The following ELF1 variants were observed in gnomAD, a reference collection of about 807,000 sequenced individuals.
ELF1 encodes the protein E74 like ETS transcription factor 1, also known as ETS-related transcription factor Elf-1.
ELF1 carries 24 observed loss-of-function variants against 59.9 expected under a neutral mutation model. That is an observed-to-expected ratio of 0.40 (90% CI 0.29 to 0.56). ELF1 has a LOEUF of 0.56. Ranked by LOEUF, ELF1 falls within the 20% of genes least tolerant of loss-of-function variation. The pLI, the probability that ELF1 is intolerant of heterozygous loss-of-function variation, is 0.44. For missense variants in ELF1, 627 were observed against 742.2 expected, an observed-to-expected ratio of 0.84 and a Z score of 1.80; for synonymous variants, 248 against 266.2, an observed-to-expected ratio of 0.93 and a Z score of 0.67.
intron 2 of ELF1, among the ~76,000 whole-genome samples, chr13:40,972,469 C>A (rs1872618019): frequency 6.6e-6 from 1 of 152,180 alleles, no homozygotes; most frequent in African/African-American, 2.4e-5. Context: ...CAAAACAAAA[C>A]GATCTGAATG....
intron 7 of ELF1, among the ~76,000 whole-genome samples, 167 bp downstream of exon 7, chr13:40,942,785 G>A (rs1870262287): frequency 6.6e-6 from 1 of 152,144 alleles, no homozygotes; most frequent in Non-Finnish European, 1.5e-5. Flanking sequence ...GCCTCCCAAA[G>A]TGTTGGGATT....
At chr13:41,042,206 A>G (rs1876640158) in intron 1 of ELF1, among the ~76,000 whole-genome samples, 1 of 152,096 alleles carries the variant, frequency 6.6e-6, no homozygotes, top group Non-Finnish European at 1.5e-5. Flanking sequence ...TATTTTTAGT[A>G]AAGGCAAAGT....
intron 1 of ELF1, among the ~76,000 whole-genome samples, chr13:41,015,278 G>T (rs1045531107): frequency 6.6e-6 from 1 of 151,972 alleles, no homozygotes; most frequent in African/African-American, 2.4e-5. Flanking sequence ...GGTTTCGGGG[G>T]TGGATCAGAG....
intron 1 of ELF1, among the ~76,000 whole-genome samples, chr13:41,013,149 A>C (rs915470153): frequency 1.3e-5 from 2 of 152,162 alleles, no homozygotes; most frequent in African/African-American, 2.4e-5. Context: ...TATACCATAG[A>C]AAGATTCTGA....
In ELF1 at chr13:40,931,925, T is replaced by G. The variant is rs1869434768; in HGVS notation, c.*1500A>C. 6.6e-6 allele frequency: 1 copy of G among 152,242 alleles called. No homozygotes were observed. The highest frequency in any genetic ancestry group is 6.5e-5 in the Admixed American group (1 of 15,286). The allele number at this position is 152,242 out of a possible 1,614,324, so 9.4% of individuals were successfully genotyped here. On this transcript the variant is annotated 3_prime_UTR_variant, in exon 9 of 9. Coordinates refer to ENST00000239882, the MANE Select transcript of ELF1 (RefSeq NM_172373.4). ...AAGTGAAAGGATGATATTCTGCAAT[T>G]CTGACTAATGAAATTTATTTATAAA...
chr13:40,963,318 T>C (rs1871961082), intron 2 of ELF1, among the ~76,000 whole-genome samples: 1 of 152,184 alleles, frequency 6.6e-6, no homozygotes, highest in Admixed American at 6.6e-5. Flanking sequence ...GTGTTTGAGG[T>C]GGAGGTATGA....
intron 1 of ELF1, among the ~76,000 whole-genome samples, chr13:41,044,154 G>A (rs1876742156): frequency 6.6e-6 from 1 of 152,240 alleles, no homozygotes; most frequent in African/African-American, 2.4e-5. Context: ...TTTGTATCCT[G>A]AGACTTTGCT....
At chr13:41,052,288 A>C (rs1176259223) in intron 1 of ELF1, among the ~76,000 whole-genome samples, 1 of 152,168 alleles carries the variant, frequency 6.6e-6, no homozygotes, top group East Asian at 1.9e-4. Context: ...AATTTGTGAA[A>C]TGAACTCAGG....
chr13:40,947,093 C>A (rs1487831177), intron 5 of ELF1, among the ~76,000 whole-genome samples: 23 of 151,420 alleles, frequency 1.5e-4, no homozygotes, highest in Non-Finnish European at 2.5e-4. Flanking sequence ...CCACTGCACT[C>A]CAGCCTGGGT....
At chr13:41,031,154 AT>A (rs1255062462) in intron 1 of ELF1, among the ~76,000 whole-genome samples, 4 of 150,238 alleles carry the variant, frequency 2.7e-5, no homozygotes, top group Admixed American at 2.7e-4. Context: ...GTGAGACCCT[AT>A]TAAAAAAAAA....
intron 1 of ELF1, among the ~76,000 whole-genome samples, chr13:41,047,689 A>T (rs1876915510): frequency 6.6e-6 from 1 of 152,162 alleles, no homozygotes; most frequent in Non-Finnish European, 1.5e-5. Flanking sequence ...GTCTGCCCCT[A>T]CTAGGGGTGC....
At chr13:41,059,837 C>T (rs1396584922) in intron 1 of ELF1, among the ~76,000 whole-genome samples, 4 of 152,152 alleles carry the variant, frequency 2.6e-5, no homozygotes, top group African/African-American at 9.7e-5. Flanking sequence ...CCAAGCCCCA[C>T]CTCCACCCCA....
Position 40,934,133 on chromosome 13 carries a change from A to G in ELF1, c.1257-105T>C, listed in dbSNP as rs1869605295. 3 of 1,415,084 alleles carry G rather than the reference A, an allele frequency of 2.1e-6. No homozygotes were observed. The Admixed American group carries it at 7.4e-5, about 35-fold the overall frequency. 87.7% of individuals were successfully genotyped at this position (1,415,084 alleles called of 1,614,324 possible). A position where few individuals can be genotyped will look rare whatever the true frequency, so the allele number is the denominator to read the frequency against. The stretch of plus-strand genomic sequence containing the variant: ...TACAAAATACCAGTTATGTGTTTCA[A>G]AATGCTGCTTCCCATATTTTCAACA... On this transcript the variant is annotated intron_variant, in intron 8 of 8. Transcript: ENST00000239882.
At chr13:41,030,499 T>C (rs1258481780) in intron 1 of ELF1, among the ~76,000 whole-genome samples, 2 of 152,102 alleles carry the variant, frequency 1.3e-5, no homozygotes, top group Non-Finnish European at 2.9e-5. Context: ...ACTCAACATT[T>C]TGGGAGACTA....
rs200267980 is a variant in ELF1 at position 41,057,810 on chromosome 13, T to TAA, written c.-229+3026_-229+3027dup. ...ATATGCCTGCCAATGGCACAAGCGT[T>TAA]AAGAATGAATCCTCACAAACTGATT... On this transcript the variant is annotated intron_variant, in intron 1 of 1. Coordinates refer to the ELF1 transcript ENST00000405737. Among the ~76,000 whole-genome samples, 69 of 152,340 alleles carry TAA rather than the reference T, an allele frequency of 4.5e-4. No individual in the cohort carries two copies. In the East Asian group the frequency reaches 0.013, roughly 28 times the overall value.
At chr13:40,992,390 C>G (rs747332964) in intron 1 of ELF1, among the ~76,000 whole-genome samples, 1 of 152,126 alleles carries the variant, frequency 6.6e-6, no homozygotes, top group Non-Finnish European at 1.5e-5. Flanking sequence ...GAAATGTATC[C>G]AAGCTTAGGA....
chr13:40,978,313 G>A (rs953499284), intron 2 of ELF1, among the ~76,000 whole-genome samples: 3 of 151,894 alleles, frequency 2.0e-5, no homozygotes, highest in Non-Finnish European at 4.4e-5. Flanking sequence ...GGGAGGTGGA[G>A]GTTGCAGTGA....
At position 40,949,825 on chromosome 13, in the gene ELF1, T is replaced by C. The variant is rs755403341; in HGVS notation, c.510A>G (p.Glu170=). 1.9e-6 allele frequency: 3 copies of C among 1,614,082 alleles called. No individual in the cohort carries two copies. Among genetic ancestry groups the C allele is most frequent in the Non-Finnish European group, 2.5e-6 (3 of 1,179,996 alleles). The part of the protein sequence containing the change: ...YADSPGASSP[E]QPKRKKGRKT... ...ACCTACCTTTTTTCCTCTTAGGCTG[T>C]TCTGGTGATGAGGCTCCCGGTGAGT... Residue 170 remains glutamate, a synonymous_variant, in exon 5 of 9, where the codon GAA becomes GAG. Transcript: ENST00000239882.
chr13:40,946,003 C>T (rs900966375), intron 5 of ELF1, among the ~76,000 whole-genome samples: 1 of 152,166 alleles, frequency 6.6e-6, no homozygotes, highest in East Asian at 1.9e-4. Flanking sequence ...ACCACCATGC[C>T]TGGCTAATTT....
Sources: gnomAD v4.1 joint callset for allele counts (sites outside exome capture counted in the v4.1 genomes callset) on GRCh38, gnomAD v4.1.1 for gene constraint, MANE v1.5 for transcripts, NCBI Gene and HGNC (gene_info 2026-07-23, HGNC 2026-07-21) for gene names.